DGKK: variants seen among roughly 807,000 people sequenced by gnomAD.
DGKK encodes 142 kDa diacylglycerol kinase.
DGKK carries 35 observed loss-of-function variants against 92.2 expected under a neutral mutation model. The ratio of observed to expected loss-of-function variants is 0.38; its 90% CI spans 0.29 to 0.50. The LOEUF (loss-of-function observed/expected upper bound fraction) is 0.50. Among genes scored for constraint, DGKK ranks in the 20% least tolerant of loss-of-function variants. The pLI, the probability that DGKK is intolerant of heterozygous loss-of-function variation, is 0.92. For synonymous variants in DGKK, 368 were observed against 360.6 expected, an observed-to-expected ratio of 1.02 and a Z score of -0.23; for missense variants, 910 against 992.2, an observed-to-expected ratio of 0.92 and a Z score of 1.11.
At position 50,369,038 on chromosome X, in the gene DGKK, G is replaced by T. The variant is rs140808794; in HGVS notation, c.3737-19C>A. The T allele has an allele frequency of 3.9e-3, 4,618 of 1,170,710 alleles. 131 individuals are homozygous for T. The African/African-American group carries it at 0.073, about 18-fold the overall frequency. On this transcript the variant is annotated intron_variant, in intron 27 of 27. Transcript: ENST00000611977. ...AAATTGCCTTCAGAGGAAAAAAAATGGTATAGAAATAATGAGGTTAGCACA... is the reference window on the plus strand; with the variant it reads ...AAATTGCCTTCAGAGGAAAAAAAATTGTATAGAAATAATGAGGTTAGCACA...
At chrX:50,462,390 CTTT>C (rs782504562) in intron 1 of DGKK, among the ~76,000 whole-genome samples, 2 of 60,476 alleles carry the variant, frequency 3.3e-5, no homozygotes, top group South Asian at 8.4e-4. Context: ...GAAGTGAGTG[CTTT>C]TTTTTTTTTT....
In DGKK at chrX:50,374,107, C is replaced by T. The variant is rs781959762; in HGVS notation, c.3501+864G>A. ...GAATTGTGTCCCCCCAGGAATGACA[C>T]GTTGAAGACCTAATCCCCAGTACAT... On this transcript the variant is annotated intron_variant, in intron 25 of 27. Transcript: ENST00000611977. Among the ~76,000 whole-genome samples the T allele has an allele frequency of 3.0e-3, 336 of 111,948 alleles. 2 individuals carry two copies. Among genetic ancestry groups the T allele is most frequent in the Non-Finnish European group, 4.9e-3 (259 of 53,187 alleles).
At position 50,387,582 on chromosome X, in the gene DGKK, T is replaced by C. The variant is rs1402567273; in HGVS notation, c.2090A>G (p.Asn697Ser). Residue 697 changes from asparagine (N) to serine (S), a missense_variant, in exon 14 of 28, where the codon AAC (asparagine) becomes AGC (serine). By Grantham distance (46) the Asn-to-Ser change is conservative (BLOSUM62 1). Transcript: ENST00000611977. ...VKAWGQIKQNNTAIVSVILKS... is the reference protein window; with the variant it reads ...VKAWGQIKQNSTAIVSVILKS... The stretch of plus-strand genomic sequence containing the variant: ...CAAAATCACAGACACTATTGCAGTG[T>C]TGTTCTGTTTTATCTGACCCCAGGC... 8.3e-7 allele frequency: 1 copy of C among 1,205,061 alleles called. No individual in the cohort carries two copies. The highest frequency in any genetic ancestry group is 1.1e-6 in the Non-Finnish European group (1 of 891,211).
In DGKK at chrX:50,408,774, G is replaced by A. The variant is rs781816306; in HGVS notation, c.943-4590C>T. On this transcript the variant is annotated intron_variant, in intron 4 of 27. Transcript: ENST00000611977. ...ATAGCTTGTTTTCTTGGTTTCACAC[G>A]TCCATAGATGGAGAGGAATATTGCT... Among the ~76,000 whole-genome samples the A allele has an allele frequency of 1.2e-4, 13 of 112,123 alleles. No individual in the cohort carries two copies. The South Asian group carries it at 4.5e-3, about 39-fold the overall frequency.
rs782291881 is a variant in DGKK, at chrX:50,470,198, GCT to G, written c.479_480del (p.Glu160AlafsTer8). On this transcript the variant is annotated frameshift_variant, in exon 1 of 28. Transcript: ENST00000611977. LOFTEE classifies it high-confidence loss of function. Reference sequence around the variant, plus strand: ...GCCTCAGGGCAGAACTCTGGGGCCAGCTCTGTCACAGGTTCTGGGGTCGGCTC... The same window carrying G: ...GCCTCAGGGCAGAACTCTGGGGCCAGCTGTCACAGGTTCTGGGGTCGGCTC... ...APEPTPEPVTELAPEFCPEAA... is the reference protein window; with the variant it reads ...APEPTPEPVTXLAPEFCPEAA... The G allele has an allele frequency of 8.3e-7, 1 of 1,212,067 alleles. No homozygotes were observed. Among genetic ancestry groups the G allele is most frequent in the Non-Finnish European group, 1.1e-6 (1 of 895,494 alleles).
At chrX:50,469,908 T>C in intron 1 of DGKK, 126 bp downstream of exon 1, 1 of 1,060,122 alleles carries the variant, frequency 9.4e-7, no homozygotes, top group Non-Finnish European at 1.2e-6. Flanking sequence ...CCTGCATCTT[T>C]CTCAGCATCT....
intron 26 of DGKK, 134 bp downstream of exon 26, chrX:50,371,576 GCAGGGAGGAAGCTC>G (rs1358669670): frequency 2.3e-6 from 1 of 430,686 alleles, no homozygotes; most frequent in Non-Finnish European, 4.0e-6. Context: ...GGGGAGGTGG[GCAGGGAGGAAGCTC>G]CAGTAACCTT....
Position 50,470,747 on chromosome X carries a change from G to A in DGKK, c.-69C>T, listed in dbSNP as rs1423541835. The A allele has an allele frequency of 9.4e-7, 1 of 1,058,933 alleles. No individual in the cohort carries two copies. The highest frequency in any genetic ancestry group is 1.2e-6 in the Non-Finnish European group (1 of 817,287). 87.3% of individuals were successfully genotyped at this position (1,058,933 alleles called of 1,213,427 possible). A position where few individuals can be genotyped will look rare whatever the true frequency, so the allele number is the denominator to read the frequency against. ...CTGGAAGGCTAAAGTACCCTCGGGC[G>A]CCCCGCCCACTCCAGTCCGGCAGCC... On this transcript the variant is annotated 5_prime_UTR_variant, in exon 1 of 28. Coordinates refer to ENST00000611977, the MANE Select transcript of DGKK (RefSeq NM_001013742.4).
At chrX:50,402,325 C>A (rs782211687) in intron 7 of DGKK, among the ~76,000 whole-genome samples, 1 of 111,608 alleles carries the variant, frequency 9.0e-6, no homozygotes, top group South Asian at 3.8e-4. Context: ...GTGAGAGGAG[C>A]CCACCTCACA....
At chrX:50,383,585 C>T (rs1924463790) in intron 17 of DGKK, among the ~76,000 whole-genome samples, 1 of 112,111 alleles carries the variant, frequency 8.9e-6, no homozygotes, top group South Asian at 3.8e-4. Flanking sequence ...ACATCTCTCA[C>T]ATGAGATTTG....
chrX:50,381,042 C>T (rs1924400484), intron 18 of DGKK, among the ~76,000 whole-genome samples: 1 of 111,998 alleles, frequency 8.9e-6, no homozygotes, highest in Non-Finnish European at 1.9e-5. Flanking sequence ...TAGTGTGGTA[C>T]TTGCATAGGA....
At chrX:50,370,667 C>G (rs1924100023) in intron 26 of DGKK, 118 bp from the exon 27 acceptor site, 6 of 828,521 alleles carry the variant, frequency 7.2e-6, no homozygotes, top group Non-Finnish European at 9.9e-6. Context: ...GATCTGCTCT[C>G]TATCCAGGTA....
At chrX:50,405,492 C>T (rs1410278283) in intron 4 of DGKK, among the ~76,000 whole-genome samples, 1 of 106,512 alleles carries the variant, frequency 9.4e-6, no homozygotes, top group Non-Finnish European at 1.9e-5. Context: ...TTAAAAAGAA[C>T]TATATTTTCT....
chrX:50,461,311 G>A (rs1557233324), intron 1 of DGKK, among the ~76,000 whole-genome samples: 2 of 111,939 alleles, frequency 1.8e-5, no homozygotes, highest in Non-Finnish European at 3.8e-5. Context: ...AAGCGTGTGG[G>A]GCTGTGACTG....
intron 1 of DGKK, among the ~76,000 whole-genome samples, chrX:50,465,647 C>T (rs1557233893): frequency 1.8e-5 from 2 of 110,798 alleles, no homozygotes; most frequent in African/African-American, 6.6e-5. Context: ...TATGCTGGCC[C>T]CCTCTGGGAG....
chrX:50,384,097 A>C lies in DGKK; in HGVS notation c.2549+71T>G. On this transcript the variant is annotated intron_variant, in intron 17 of 27. Coordinates refer to ENST00000611977, the MANE Select transcript of DGKK (RefSeq NM_001013742.4). ...AGTAAGAGAAAGGATTTGACTATGG[A>C]TATCCTAAGATTGTGCTCTTAACAA... is the stretch of plus-strand genomic sequence containing the variant. 1.2e-5 allele frequency: 8 copies of C among 657,580 alleles called. No individual in the cohort carries two copies. The South Asian group carries it at 2.7e-4, about 22-fold the overall frequency. The allele number at this position is 657,580 out of a possible 1,213,427, so 54.2% of individuals were successfully genotyped here.
chrX:50,433,975 G>A (rs1451521630), intron 1 of DGKK, among the ~76,000 whole-genome samples: 1 of 111,315 alleles, frequency 9.0e-6, no homozygotes, highest in Non-Finnish European at 1.9e-5. Context: ...AGCAATGCCT[G>A]CTTCCAATTG....
chrX:50,386,313 T>A, intron 15 of DGKK, 45 bp downstream of exon 15: 1 of 1,077,473 alleles, frequency 9.3e-7, no homozygotes, highest in Non-Finnish European at 1.3e-6. Context: ...CCTCTGGAAC[T>A]TTTTCTTTCC....
At chrX:50,464,251 C>G (rs1461403063) in intron 1 of DGKK, among the ~76,000 whole-genome samples, 2 of 107,660 alleles carry the variant, frequency 1.9e-5, no homozygotes, top group African/African-American at 6.7e-5. Flanking sequence ...GTAATATCCT[C>G]TTCACCAACA....
Sources: allele counts gnomAD v4.1 joint callset (sites outside exome capture counted in the v4.1 genomes callset), GRCh38; gene constraint gnomAD v4.1.1; transcripts MANE v1.5; gene names NCBI Gene and HGNC (gene_info 2026-07-23, HGNC 2026-07-21).